RFFL: variants seen among roughly 807,000 people sequenced by gnomAD.
The protein encoded by RFFL is ring finger and FYVE like domain containing E3 ubiquitin protein ligase.
Under a neutral mutation model 40.4 loss-of-function variants are expected in RFFL, and 16 were observed. That is an observed-to-expected ratio of 0.40 (90% CI 0.27 to 0.60). The LOEUF (loss-of-function observed/expected upper bound fraction) is 0.60, where lower values mean the gene tolerates loss of function less well. Ranked by LOEUF, RFFL falls within the 20% of genes least tolerant of loss-of-function variation. The pLI is 0.47. For synonymous variants in RFFL, 154 were observed against 167.9 expected (o/e 0.92, Z 0.64); for missense variants, 367 against 451.7 (o/e 0.81, Z 1.70).
intron 1 of RFFL, among the ~76,000 whole-genome samples, chr17:35,027,892 G>A (rs569310376): frequency 2.6e-5 from 4 of 152,128 alleles, no homozygotes; most frequent in Admixed American, 2.0e-4. Context: ...AATTAGCTGG[G>A]CGGGGTGGCA....
chr17:35,038,929 T>G (rs909197425), intron 1 of RFFL, among the ~76,000 whole-genome samples: 4 of 152,214 alleles, frequency 2.6e-5, no homozygotes, highest in Non-Finnish European at 5.9e-5. Context: ...TGTTTTGAGA[T>G]AGGGTGTCTC....
chr17:35,021,410 G>A lies in RFFL; in HGVS notation c.552C>T (p.Ala184=). The part of the protein sequence containing the change: ...SPNLPSSSAQ[A]TSVPPAQVQE... ...GAACCTGGGCTGGGGGAACAGAGGT[G>A]GCTTGTGCAGATGAAGAGGGGAGGT... Residue 184 remains alanine, a synonymous_variant, in exon 3 of 7, where the codon GCC becomes GCT. Coordinates refer to ENST00000394597, the MANE Select transcript of RFFL (RefSeq NM_001017368.2). 6.5e-7 allele frequency: 1 copy of A among 1,532,330 alleles called. No individual in the cohort carries two copies. The highest frequency in any genetic ancestry group is 2.3e-5 in the East Asian group (1 of 44,326). The allele number at this position is 1,532,330 out of a possible 1,614,324, so 94.9% of individuals were successfully genotyped here. A position where few individuals can be genotyped will look rare whatever the true frequency, so the allele number is the denominator to read the frequency against.
intron 2 of RFFL, among the ~76,000 whole-genome samples, chr17:35,022,739 C>T (rs1349942685): frequency 1.3e-5 from 2 of 152,200 alleles, no homozygotes; most frequent in Non-Finnish European, 2.9e-5. Flanking sequence ...ACAGGCTCCC[C>T]ACTCCAGGAA....
intron 1 of RFFL, among the ~76,000 whole-genome samples, chr17:35,051,592 C>T (rs981553698): frequency 1.3e-5 from 2 of 152,132 alleles, no homozygotes; most frequent in African/African-American, 4.8e-5. Context: ...TCCCATGCTT[C>T]GTACTGACAT....
intron 3 of RFFL, among the ~76,000 whole-genome samples, chr17:35,020,384 C>T (rs776001131): frequency 1.3e-5 from 2 of 150,738 alleles, no homozygotes; most frequent in African/African-American, 4.9e-5. Flanking sequence ...GTCAGATCAG[C>T]GGTGGCATTA....
At chr17:35,069,077 A>T (rs1470496864) in intron 1 of RFFL, among the ~76,000 whole-genome samples, 1 of 152,204 alleles carries the variant, frequency 6.6e-6, no homozygotes, top group African/African-American at 2.4e-5. Context: ...ACCTTGCCGC[A>T]GTAACCATAC....
chr17:35,041,272 C>T (rs747004709), intron 1 of RFFL, among the ~76,000 whole-genome samples: 22 of 151,970 alleles, frequency 1.4e-4, no homozygotes, highest in Non-Finnish European at 2.2e-4. Context: ...CACAAGGCAT[C>T]ACCCACTGCC....
chr17:35,061,159 T>C (rs1303494331), intron 1 of RFFL, among the ~76,000 whole-genome samples: 1 of 152,006 alleles, frequency 6.6e-6, no homozygotes, highest in Non-Finnish European at 1.5e-5. Context: ...TCAAGCTAAG[T>C]GGAAAACAGG....
At chr17:35,057,592 C>G (rs2091268520) in intron 1 of RFFL, among the ~76,000 whole-genome samples, 1 of 150,226 alleles carries the variant, frequency 6.7e-6, no homozygotes, top group Admixed American at 6.7e-5. Context: ...AAGTGAATAT[C>G]TGGAATCAAT....
chr17:35,082,948 G>C (rs2091409788), intron 1 of RFFL, among the ~76,000 whole-genome samples: 1 of 152,156 alleles, frequency 6.6e-6, no homozygotes, highest in Admixed American at 6.6e-5. Context: ...AACGTATCTA[G>C]TGCCTGAATC....
chr17:35,069,214 C>T, intron 1 of RFFL: 1 of 456,490 alleles, frequency 2.2e-6, no homozygotes, highest in Non-Finnish European at 4.4e-6. Context: ...CTCCCTGACA[C>T]ACATGCCCTG....
intron 1 of RFFL, among the ~76,000 whole-genome samples, chr17:35,035,637 GTATCTA>G (rs1418272493): frequency 1.3e-5 from 2 of 149,674 alleles, no homozygotes; most frequent in Non-Finnish European, 3.0e-5. Flanking sequence ...ACCTATATCT[GTATCTA>G]TATCTATAGA....
intron 1 of RFFL, among the ~76,000 whole-genome samples, chr17:35,052,394 T>C (rs973111028): frequency 2.0e-5 from 3 of 152,130 alleles, no homozygotes; most frequent in East Asian, 1.9e-4. Flanking sequence ...ATCTGATTCA[T>C]GGGGGAACTC....
chr17:35,076,201 C>T (rs919261968), intron 1 of RFFL, among the ~76,000 whole-genome samples: 2 of 151,434 alleles, frequency 1.3e-5, no homozygotes, highest in African/African-American at 4.9e-5. Flanking sequence ...ACCATATTGG[C>T]CAGGCTGGTC....
chr17:35,056,222 C>T (rs951761192), intron 1 of RFFL, among the ~76,000 whole-genome samples: 3 of 152,126 alleles, frequency 2.0e-5, no homozygotes, highest in Admixed American at 1.3e-4. Context: ...CCACTGCAAG[C>T]GTGGTAGCCT....
At chr17:35,039,364 C>A (rs2091147609) in intron 1 of RFFL, among the ~76,000 whole-genome samples, 2 of 152,058 alleles carry the variant, frequency 1.3e-5, no homozygotes, top group African/African-American at 4.8e-5. Flanking sequence ...GGATTACAGG[C>A]ACGTGCCATC....
intron 6 of RFFL, 137 bp from the exon 7 acceptor site, chr17:35,012,286 CAAAT>C: frequency 2.9e-6 from 2 of 680,710 alleles, no homozygotes; most frequent in Admixed American, 3.1e-5. Flanking sequence ...ATGCTTCCCT[CAAAT>C]AGAGCTCCTC....
intron 1 of RFFL, among the ~76,000 whole-genome samples, chr17:35,079,995 C>G (rs995992179): frequency 1.3e-5 from 2 of 152,256 alleles, no homozygotes; most frequent in South Asian, 4.1e-4. Context: ...CCTTCCCACC[C>G]CTGCTTGCAC....
intron 1 of RFFL, among the ~76,000 whole-genome samples, chr17:35,072,828 G>A (rs2091357753): frequency 1.3e-5 from 2 of 152,138 alleles, no homozygotes; most frequent in African/African-American, 4.8e-5. Flanking sequence ...TGGATCACCT[G>A]AGGTGGAGAG....
Sources: gnomAD v4.1 joint callset for allele counts (sites outside exome capture counted in the v4.1 genomes callset) on GRCh38, gnomAD v4.1.1 for gene constraint, MANE v1.5 for transcripts, NCBI Gene and HGNC (gene_info 2026-07-23, HGNC 2026-07-21) for gene names.